The following ABCC12 variants were observed in gnomAD, a reference collection of about 807,000 sequenced individuals.
ABCC12 encodes the protein ATP binding cassette subfamily C member 12, also known as ATP-binding cassette sub-family C member 12.
A neutral mutation model predicts 151.1 loss-of-function variants in ABCC12; 142 were observed. That is an observed-to-expected ratio of 0.94 (90% CI 0.82 to 1.08). The LOEUF (loss-of-function observed/expected upper bound fraction) is 1.08. Among genes scored for constraint, ABCC12 ranks in the 50% least tolerant of loss-of-function variants. The probability of loss-of-function intolerance (pLI) is 0.00; values close to 1 mark genes in which losing one functional copy is unlikely to be tolerated. For missense variants in ABCC12, 1,638 were observed against 1,691.1 expected, an observed-to-expected ratio of 0.97 and a Z score of 0.55; for synonymous variants, 645 against 646.4, an observed-to-expected ratio of 1.00 and a Z score of 0.03.
At chr16:48,130,944 G>C (rs766854669) in intron 9 of ABCC12, 49 bp from the exon 10 acceptor site, 2 of 1,370,740 alleles carry the variant, frequency 1.5e-6, no homozygotes, top group East Asian at 4.6e-5. Context: ...AAGTCACGTT[G>C]GCTCTAAACC....
At chr16:48,100,212 G>A (rs551966005) in intron 23 of ABCC12, among the ~76,000 whole-genome samples, 32 of 152,152 alleles carry the variant, frequency 2.1e-4, no homozygotes, top group African/African-American at 6.5e-4. Context: ...CACCCACCTC[G>A]GCCTTCCAAA....
Position 48,114,479 on chromosome 16 carries a change from A to G in ABCC12, c.1989+936T>C, listed in dbSNP as rs79584726. Among the ~76,000 whole-genome samples the G allele has an allele frequency of 8.0e-3, 1,220 of 152,234 alleles. 18 individuals carry two copies. Among genetic ancestry groups the G allele is most frequent in the African/African-American group, 0.028 (1,179 of 41,536 alleles). On this transcript the variant is annotated intron_variant, in intron 15 of 30. Coordinates refer to ENST00000311303, the MANE Select transcript of ABCC12 (RefSeq NM_001393797.1). Reference sequence around the variant, plus strand: ...CTTCCTGCCCCCAGACCAGGCCCTTATGTAACATGTTCTCTGCAGGTAGCA... The same window carrying G: ...CTTCCTGCCCCCAGACCAGGCCCTTGTGTAACATGTTCTCTGCAGGTAGCA...
Position 48,139,237 on chromosome 16 carries a change from C to A in ABCC12, c.757G>T (p.Ala253Ser), listed in dbSNP as rs755531471. The change falls in exon 7 of 31, where the codon GCG becomes TCG. Residue 253 changes from alanine to serine, a missense_variant. By Grantham distance (99) the Ala-to-Ser change is moderately conservative (BLOSUM62 1). Coordinates refer to ENST00000311303, the MANE Select transcript of ABCC12 (RefSeq NM_001393797.1). ...TIPILMVFCA[A>S]YAFFILGPTA... ...GGCCCCAGAATGAAAAAGGCGTACG[C>A]CGCACAAAAGACCATTAGGATCGGG... 3 of 1,613,972 alleles carry A rather than the reference C, an allele frequency of 1.9e-6. No homozygotes were observed. In the Admixed American group the frequency reaches 5.0e-5, roughly 27 times the overall value.
chr16:48,146,651 C>T (rs1965014334), intron 2 of ABCC12, 177 bp from the exon 3 acceptor site: 1 of 510,304 alleles, frequency 2.0e-6, no homozygotes, highest in East Asian at 3.3e-5. Context: ...TCCCTTAATG[C>T]TACGCTGAGG....
intron 10 of ABCC12, 23 bp downstream of exon 10, chr16:48,130,765 T>C (rs1290743465): frequency 6.5e-7 from 1 of 1,549,898 alleles, no homozygotes; most frequent in East Asian, 2.2e-5. Context: ...CTCTCTTCCC[T>C]ACTCACCCAG....
At chr16:48,151,075 A>T (rs866758164) in intron 2 of ABCC12, among the ~76,000 whole-genome samples, 2 of 152,126 alleles carry the variant, frequency 1.3e-5, no homozygotes, top group Admixed American at 6.6e-5. Flanking sequence ...GTATAGTACC[A>T]TATGGAAAAG....
At chr16:48,126,576 C>T (rs1182752995) in intron 11 of ABCC12, among the ~76,000 whole-genome samples, 1 of 152,218 alleles carries the variant, frequency 6.6e-6, no homozygotes, top group African/African-American at 2.4e-5. Context: ...CTAAGACTTA[C>T]TATGGGCTTA....
At chr16:48,097,211 T>C (rs932205821) in intron 23 of ABCC12, among the ~76,000 whole-genome samples, 79 of 152,112 alleles carry the variant, frequency 5.2e-4, no homozygotes, top group African/African-American at 1.7e-3. Flanking sequence ...AATCTACAGC[T>C]GAGAAGAAGA....
chr16:48,141,442 C>T (rs575492343), intron 4 of ABCC12, 89 bp from the exon 5 acceptor site: 2 of 1,523,340 alleles, frequency 1.3e-6, no homozygotes, highest in African/African-American at 1.4e-5. Context: ...TGCAAGGGTG[C>T]TCGGCAGAGC....
intron 24 of ABCC12, among the ~76,000 whole-genome samples, chr16:48,092,907 CA>C (rs1280670919): frequency 2.0e-5 from 3 of 152,144 alleles, no homozygotes; most frequent in Non-Finnish European, 2.9e-5. Context: ...AGCAAAGAGG[CA>C]GGGGGTGCGA....
rs1044052357 is a variant in ABCC12 at position 48,080,994 on chromosome 16, C to T, written c.*2721G>A. ...GAGGGCCCATTCCTCACAGATGATG[C>T]CTTCTATGTGTCCTCACATGGAGGA... On this transcript the variant is annotated 3_prime_UTR_variant, in exon 31 of 31. Coordinates refer to ENST00000311303, the MANE Select transcript of ABCC12 (RefSeq NM_001393797.1). Among the ~76,000 whole-genome samples, 5 of 152,158 alleles carry T rather than the reference C, an allele frequency of 3.3e-5. No individual in the cohort carries two copies. Among genetic ancestry groups the T allele is most frequent in the African/African-American group, 1.2e-4 (5 of 41,426 alleles).
At chr16:48,142,069 G>A (rs1272367341) in intron 4 of ABCC12, among the ~76,000 whole-genome samples, 2 of 152,188 alleles carry the variant, frequency 1.3e-5, no homozygotes, top group African/African-American at 4.8e-5. Context: ...AATAAGATGT[G>A]GGAGGAAAGG....
intron 11 of ABCC12, among the ~76,000 whole-genome samples, chr16:48,127,867 T>C (rs1269868351): frequency 6.6e-6 from 1 of 151,986 alleles, no homozygotes; most frequent in Non-Finnish European, 1.5e-5. Context: ...AGTTCGAGCC[T>C]GGCCTAGGAA....
rs575716557 is a variant in ABCC12, at chr16:48,146,372, C to T, written c.53G>A (p.Arg18Gln). 39 of 1,614,148 alleles carry T rather than the reference C, an allele frequency of 2.4e-5. No homozygotes were observed. In the East Asian group the frequency reaches 2.7e-4, roughly 11 times the overall value. ...GTCATATCTTTCTGCAAAGGATCTC[C>T]GCCGGCCTCGCTGGTCCAGATCTGA... is the stretch of plus-strand genomic sequence containing the variant. ...LISDLDQRGRRRSFAERYDPS... is the reference protein window; with the variant it reads ...LISDLDQRGRQRSFAERYDPS... The change falls in exon 3 of 31, where the codon CGG becomes CAG. Residue 18 changes from arginine (R) to glutamine (Q), a missense_variant. Physicochemically the swap from Arg to Gln is conservative, Grantham distance 43. Transcript: ENST00000311303.
rs1963522732 is a variant in ABCC12 at position 48,107,210 on chromosome 16, AG to A, written c.2475+111del. 5 of 985,710 alleles carry A rather than the reference AG, an allele frequency of 5.1e-6. No individual in the cohort carries two copies. In the Admixed American group the frequency reaches 5.2e-5, roughly 10 times the overall value. The allele number at this position is 985,710 out of a possible 1,614,324, so 61.1% of individuals were successfully genotyped here. A position where few individuals can be genotyped will look rare whatever the true frequency, so the allele number is the denominator to read the frequency against. On this transcript the variant is annotated intron_variant, in intron 20 of 30. Transcript: ENST00000311303. ...GACTCCCACTTCTTGAAAAGGGCAG[AG>A]GGATGCATGTGGGCTCATGGCATGG...
intron 24 of ABCC12, among the ~76,000 whole-genome samples, chr16:48,094,566 T>C (rs1597303260): frequency 6.6e-6 from 1 of 152,212 alleles, no homozygotes; most frequent in Admixed American, 6.5e-5. Context: ...CTCACTCCTC[T>C]TCCCCTCTTC....
intron 11 of ABCC12, among the ~76,000 whole-genome samples, chr16:48,126,245 GC>G (rs1370121582): frequency 3.9e-5 from 6 of 152,158 alleles, no homozygotes; most frequent in Non-Finnish European, 8.8e-5. Context: ...GTATTTGGCT[GC>G]CCTTTGAGTC....
In ABCC12 at chr16:48,111,771, G is replaced by A. The variant is rs536028774; in HGVS notation, c.2124+5C>T. ...TGTTCCCACACCTGCCCAGGTGTGA[G>A]TTACCTTGAACTGCAATCCTCGCAG... On this transcript the variant is annotated splice_donor_5th_base_variant and intron_variant, in intron 16 of 30. Coordinates refer to ENST00000311303, the MANE Select transcript of ABCC12 (RefSeq NM_001393797.1). The A allele has an allele frequency of 6.2e-7, 1 of 1,614,162 alleles. No individual in the cohort carries two copies. Among genetic ancestry groups the A allele is most frequent in the East Asian group, 2.2e-5 (1 of 44,876 alleles).
At chr16:48,116,400 G>A (rs9932622) in intron 14 of ABCC12, among the ~76,000 whole-genome samples, 152,030 of 152,320 alleles carry the variant, frequency 1, 75,870 homozygotes, top group Middle Eastern at 1. Context: ...AAGAGCATCA[G>A]TAGAGTACTT....
Sources: allele counts gnomAD v4.1 joint callset (sites outside exome capture counted in the v4.1 genomes callset), GRCh38; gene constraint gnomAD v4.1.1; transcripts MANE v1.5; gene names NCBI Gene and HGNC (gene_info 2026-07-23, HGNC 2026-07-21).